The following PIK3C3 variants were observed in gnomAD, a reference collection of about 807,000 sequenced individuals.
The protein encoded by PIK3C3 is PI3-kinase type 3.
Under a neutral mutation model 126.1 loss-of-function variants are expected in PIK3C3, and 95 were observed. That is an observed-to-expected ratio of 0.75 (90% confidence interval 0.64 to 0.89). The LOEUF (loss-of-function observed/expected upper bound fraction) is 0.89, where lower values mean the gene tolerates loss of function less well. Among genes scored for constraint, PIK3C3 ranks in the 40% least tolerant of loss-of-function variants. The probability of loss-of-function intolerance (pLI) is 0.00; values close to 1 mark genes in which losing one functional copy is unlikely to be tolerated. For synonymous variants in PIK3C3, 374 were observed against 360.0 expected (o/e 1.04, Z -0.44); for missense variants, 829 against 1,063.2 (o/e 0.78, Z 3.06).
intron 24 of PIK3C3, among the ~76,000 whole-genome samples, chr18:42,073,356 G>A (rs1002362860): frequency 7.9e-5 from 12 of 152,170 alleles, no homozygotes; most frequent in African/African-American, 2.9e-4. Flanking sequence ...ATATATTTGG[G>A]TGGATTTCAA....
intron 2 of PIK3C3, among the ~76,000 whole-genome samples, chr18:41,960,352 CTT>C (rs956579132): frequency 1.3e-5 from 2 of 152,152 alleles, no homozygotes; most frequent in South Asian, 2.1e-4. Flanking sequence ...TTTAAGAACA[CTT>C]ATATTTCACA....
intron 16 of PIK3C3, among the ~76,000 whole-genome samples, chr18:42,036,472 C>G (rs1051791270): frequency 2.0e-5 from 3 of 150,846 alleles, no homozygotes; most frequent in African/African-American, 7.3e-5. Flanking sequence ...TATATTTCTC[C>G]AAATTTTTGT....
chr18:41,959,633 A>G (rs1979976797), intron 2 of PIK3C3, among the ~76,000 whole-genome samples: 2 of 152,116 alleles, frequency 1.3e-5, no homozygotes, highest in African/African-American at 2.4e-5. Context: ...CCCCCTATTA[A>G]AAATACAAAA....
intron 8 of PIK3C3, 151 bp from the exon 9 acceptor site, chr18:41,996,487 T>G (rs1598879917): frequency 2.3e-6 from 1 of 434,814 alleles, no homozygotes; most frequent in East Asian, 3.5e-5. Context: ...ATAACAAATT[T>G]AAGGCCTACT....
intron 4 of PIK3C3, among the ~76,000 whole-genome samples, chr18:41,985,919 A>G (rs1981450821): frequency 6.6e-6 from 1 of 152,134 alleles, no homozygotes. Flanking sequence ...GGAGGAAAAA[A>G]GTTCCCACCA....
chr18:42,031,661 C>A (rs1193738233), intron 15 of PIK3C3, among the ~76,000 whole-genome samples: 1 of 152,286 alleles, frequency 6.6e-6, no homozygotes, highest in South Asian at 2.1e-4. Flanking sequence ...AAGTGATCTG[C>A]CAGCCTCGGC....
intron 24 of PIK3C3, among the ~76,000 whole-genome samples, chr18:42,071,620 T>TGAGGCAGGAGAATCACTTG (rs1985776245): frequency 6.6e-6 from 1 of 151,166 alleles, no homozygotes; most frequent in African/African-American, 2.4e-5. Context: ...GTCGGGAGGC[T>TGAGGCAGGAGAATCACTTG]GAGGCAGGAG....
chr18:42,007,170 A>C (rs1253224502), intron 10 of PIK3C3, among the ~76,000 whole-genome samples: 1 of 152,146 alleles, frequency 6.6e-6, no homozygotes, highest in Non-Finnish European at 1.5e-5. Context: ...ACCCGGCCTT[A>C]AAAATCATAT....
intron 4 of PIK3C3, among the ~76,000 whole-genome samples, chr18:41,987,501 A>G (rs1981542615): frequency 6.6e-6 from 1 of 152,078 alleles, no homozygotes; most frequent in Non-Finnish European, 1.5e-5. Context: ...TATTATTATA[A>G]TTTCATCTCT....
At chr18:42,007,127 C>T (rs921296519) in intron 10 of PIK3C3, among the ~76,000 whole-genome samples, 7 of 152,110 alleles carry the variant, frequency 4.6e-5, no homozygotes, top group South Asian at 2.1e-4. Context: ...ATCGGCCTCC[C>T]GAAGTGCTGG....
intron 17 of PIK3C3, among the ~76,000 whole-genome samples, chr18:42,038,404 C>T (rs373630099): frequency 2.6e-5 from 4 of 151,798 alleles, no homozygotes; most frequent in Middle Eastern, 3.2e-3. Context: ...TGAAGTGGCG[C>T]GATCTTGGCT....
intron 21 of PIK3C3, chr18:42,053,061 T>C (rs948170127): frequency 2.0e-5 from 3 of 152,172 alleles, no homozygotes; most frequent in Non-Finnish European, 4.4e-5. Context: ...CTGTGTCCAG[T>C]TCTTTGATAT....
intron 22 of PIK3C3, 24 bp from the exon 23 acceptor site, chr18:42,064,716 T>C (rs746636560): frequency 1.7e-6 from 2 of 1,163,622 alleles, no homozygotes; most frequent in Non-Finnish European, 1.3e-6. Context: ...CGTTGCTATT[T>C]TTTTCTTTTC....
intron 12 of PIK3C3, 94 bp from the exon 13 acceptor site, chr18:42,020,544 A>G (rs1053698201): frequency 2.7e-6 from 2 of 728,334 alleles, no homozygotes; most frequent in Non-Finnish European, 4.7e-6. Flanking sequence ...CATAAGATAT[A>G]CAGATGAAAA....
intron 16 of PIK3C3, among the ~76,000 whole-genome samples, chr18:42,035,090 C>T (rs1423165667): frequency 6.6e-6 from 1 of 152,144 alleles, no homozygotes; most frequent in Non-Finnish European, 1.5e-5. Context: ...TAACAGATTA[C>T]AACCTGCAAG....
chr18:41,982,822 T>C (rs2144336677), intron 4 of PIK3C3, among the ~76,000 whole-genome samples: 1 of 152,316 alleles, frequency 6.6e-6, no homozygotes, highest in East Asian at 1.9e-4. Context: ...ACCGTATCTG[T>C]GTGCTTAATT....
chr18:42,068,438 T>G (rs1458759477), intron 24 of PIK3C3, among the ~76,000 whole-genome samples: 1 of 152,182 alleles, frequency 6.6e-6, no homozygotes, highest in Non-Finnish European at 1.5e-5. Flanking sequence ...AGCCCAGAAA[T>G]CAATCTTCTT....
At chr18:41,955,691 CGTAA>C (rs1262189316) in intron 1 of PIK3C3, among the ~76,000 whole-genome samples, 1 of 152,092 alleles carries the variant, frequency 6.6e-6, no homozygotes, top group Non-Finnish European at 1.5e-5. Flanking sequence ...CAAGTCTCGT[CGTAA>C]GTAAGAGGAC....
chr18:41,965,024 A>G (rs770661388), intron 3 of PIK3C3, among the ~76,000 whole-genome samples: 1 of 152,228 alleles, frequency 6.6e-6, no homozygotes, highest in Non-Finnish European at 1.5e-5. Flanking sequence ...TTTTGATAAA[A>G]TAGCATGTTA....
Sources: gnomAD v4.1 joint callset for allele counts (sites outside exome capture counted in the v4.1 genomes callset) on GRCh38, gnomAD v4.1.1 for gene constraint, MANE v1.5 for transcripts, NCBI Gene and HGNC (gene_info 2026-07-23, HGNC 2026-07-21) for gene names.